FAM184B: variants seen among roughly 807,000 people sequenced by gnomAD.
The protein encoded by FAM184B is family with sequence similarity 184 member B, also known as protein FAM184B.
Under a neutral mutation model 135.9 loss-of-function variants are expected in FAM184B, and 111 were observed. The observed-to-expected ratio is 0.82, with a 90% CI of 0.70 to 0.96. The LOEUF (loss-of-function observed/expected upper bound fraction) is 0.96. Ranked by LOEUF, FAM184B falls within the 40% of genes least tolerant of loss-of-function variation. FAM184B has a pLI of 0.00. For synonymous variants in FAM184B, 552 were observed against 524.8 expected (o/e 1.05, Z -0.71); for missense variants, 1,375 against 1,323.9 (o/e 1.04, Z -0.60).
intron 16 of FAM184B, among the ~76,000 whole-genome samples, chr4:17,634,633 A>G (rs1331409594): frequency 1.3e-5 from 2 of 152,172 alleles, no homozygotes; most frequent in Admixed American, 6.5e-5. Context: ...CAAAAATACT[A>G]TTTTTTAAGA....
Position 17,671,783 on chromosome 4 carries a change from G to C in FAM184B, c.1597-7124C>G, listed in dbSNP as rs372191699. 3.4e-4 allele frequency among the ~76,000 whole-genome samples: 52 copies of C among 152,018 alleles called. No individual in the cohort carries two copies. The South Asian group carries it at 9.6e-3, about 28-fold the overall frequency. On this transcript the variant is annotated intron_variant, in intron 7 of 17. Coordinates refer to ENST00000265018, the MANE Select transcript of FAM184B (RefSeq NM_015688.2). Reference sequence around the variant, plus strand: ...TGAACAAAGTGAGAATTTCAACAGAGAGGATATATTTTTAAAGTACCAGAA... The same window carrying C: ...TGAACAAAGTGAGAATTTCAACAGACAGGATATATTTTTAAAGTACCAGAA...
chr4:17,706,767 A>T (rs1202350490), intron 3 of FAM184B, among the ~76,000 whole-genome samples: 1 of 152,044 alleles, frequency 6.6e-6, no homozygotes, highest in Non-Finnish European at 1.5e-5. Flanking sequence ...CCCAAATTTC[A>T]AGACAATACT....
At chr4:17,668,330 A>C (rs749593144) in intron 7 of FAM184B, among the ~76,000 whole-genome samples, 4 of 152,202 alleles carry the variant, frequency 2.6e-5, no homozygotes, top group Non-Finnish European at 5.9e-5. Context: ...CATATCCTAT[A>C]TCATTCTTAG....
At chr4:17,655,158 A>G (rs1197157625) in intron 10 of FAM184B, among the ~76,000 whole-genome samples, 1 of 152,158 alleles carries the variant, frequency 6.6e-6, no homozygotes, top group Non-Finnish European at 1.5e-5. Context: ...GAGTTTATTT[A>G]ATAAAACAGA....
chr4:17,687,192 G>A (rs1178601733), intron 7 of FAM184B, among the ~76,000 whole-genome samples: 1 of 152,186 alleles, frequency 6.6e-6, no homozygotes, highest in Non-Finnish European at 1.5e-5. Flanking sequence ...GGACACTCGT[G>A]TACACAGAAA....
intron 12 of FAM184B, among the ~76,000 whole-genome samples, chr4:17,645,625 T>C (rs532430272): frequency 0.036 from 5,546 of 151,952 alleles, 332 homozygotes; most frequent in African/African-American, 0.13. Context: ...ATAAAAACCC[T>C]AGAAGAAAAC....
intron 9 of FAM184B, among the ~76,000 whole-genome samples, chr4:17,659,581 G>A (rs1715865901): frequency 2.0e-5 from 3 of 152,134 alleles, no homozygotes; most frequent in Admixed American, 6.5e-5. Context: ...CTGCCTCCCA[G>A]GTTCAAGCAA....
At chr4:17,681,121 G>T (rs1343358494) in intron 7 of FAM184B, among the ~76,000 whole-genome samples, 6 of 152,332 alleles carry the variant, frequency 3.9e-5, no homozygotes, top group Middle Eastern at 3.4e-3. Flanking sequence ...GGTATGAAGT[G>T]CAGGGATTAT....
intron 11 of FAM184B, among the ~76,000 whole-genome samples, chr4:17,649,597 A>G (rs1715554191): frequency 6.6e-6 from 1 of 152,044 alleles, no homozygotes; most frequent in Admixed American, 6.6e-5. Flanking sequence ...AAAAAAAAAA[A>G]AAATTTACTT....
At chr4:17,636,429 G>C in intron 15 of FAM184B, 99 bp downstream of exon 15, 1 of 885,440 alleles carries the variant, frequency 1.1e-6, no homozygotes. Context: ...AAGATATTAG[G>C]GCACCTAGAG....
At chr4:17,678,392 A>T (rs989599774) in intron 7 of FAM184B, among the ~76,000 whole-genome samples, 1 of 152,308 alleles carries the variant, frequency 6.6e-6, no homozygotes, top group East Asian at 1.9e-4. Context: ...CAAGCTGGGA[A>T]TCAAATCAAG....
intron 1 of FAM184B, among the ~76,000 whole-genome samples, chr4:17,756,475 TGGA>T (rs1718424449): frequency 6.6e-6 from 1 of 152,220 alleles, no homozygotes; most frequent in Admixed American, 6.5e-5. Flanking sequence ...TGGTCATCTT[TGGA>T]GGATGTAAGG....
chr4:17,740,702 G>A (rs1381023701), intron 1 of FAM184B, among the ~76,000 whole-genome samples: 2 of 152,168 alleles, frequency 1.3e-5, no homozygotes, highest in Non-Finnish European at 2.9e-5. Flanking sequence ...ATGATTGATT[G>A]GTTTTGGGAT....
At chr4:17,762,015 C>T (rs1208622878) in intron 1 of FAM184B, among the ~76,000 whole-genome samples, 1 of 146,936 alleles carries the variant, frequency 6.8e-6, no homozygotes, top group African/African-American at 2.7e-5. Context: ...CCCCAGGGCT[C>T]TTCATTTTGT....
At chr4:17,682,705 C>T (rs1345067500) in intron 7 of FAM184B, among the ~76,000 whole-genome samples, 1 of 152,014 alleles carries the variant, frequency 6.6e-6, no homozygotes, top group Non-Finnish European at 1.5e-5. Context: ...TGCCATGTTG[C>T]TCAGGCTGGT....
intron 6 of FAM184B, among the ~76,000 whole-genome samples, chr4:17,689,223 A>T (rs961988339): frequency 8.5e-5 from 13 of 152,208 alleles, no homozygotes; most frequent in African/African-American, 3.1e-4. Context: ...TTATATAGGT[A>T]AAATGAGAAA....
intron 1 of FAM184B, among the ~76,000 whole-genome samples, chr4:17,761,974 T>C (rs1316950982): frequency 6.6e-6 from 1 of 152,228 alleles, no homozygotes; most frequent in Non-Finnish European, 1.5e-5. Context: ...CTGAGGGATC[T>C]CAGGCGCTCT....
chr4:17,659,928 G>A (rs1370663056), intron 9 of FAM184B, 30 bp downstream of exon 9: 1 of 1,547,676 alleles, frequency 6.5e-7, no homozygotes, highest in African/African-American at 1.4e-5. Context: ...ATCTCAGGAA[G>A]GGGGCACATC....
chr4:17,654,248 T>C (rs1428823925), intron 10 of FAM184B, among the ~76,000 whole-genome samples: 1 of 151,970 alleles, frequency 6.6e-6, no homozygotes, highest in Admixed American at 6.6e-5. Context: ...CCCCAGGTTT[T>C]AGATGAGGAA....
Sources: allele counts gnomAD v4.1 joint callset (sites outside exome capture counted in the v4.1 genomes callset), GRCh38; gene constraint gnomAD v4.1.1; transcripts MANE v1.5; gene names NCBI Gene and HGNC (gene_info 2026-07-23, HGNC 2026-07-21).